The following COG3 variants were observed in gnomAD, a reference collection of about 807,000 sequenced individuals.
COG3 encodes component of oligomeric golgi complex 3.
A neutral mutation model predicts 114.1 loss-of-function variants in COG3; 32 were observed. The ratio of observed to expected loss-of-function variants is 0.28; its 90% CI spans 0.21 to 0.38. The LOEUF (loss-of-function observed/expected upper bound fraction) is 0.38. COG3 is among the 10% of genes least tolerant of loss of function. The probability of loss-of-function intolerance (pLI) is 1.00; values close to 1 mark genes in which losing one functional copy is unlikely to be tolerated. For synonymous variants in COG3, 352 were observed against 365.7 expected (o/e 0.96, Z 0.43); for missense variants, 813 against 973.2 (o/e 0.84, Z 2.19).
chr13:45,489,262 C>A lies in COG3; in HGVS notation c.925-1653C>A, dbSNP rs1470828848. ...TTTTTGACAAAGTGAGACCCAGCCT[C>A]AAAAAAAAAAAAAAAAAAGCCAACC... is the stretch of plus-strand genomic sequence containing the variant. On this transcript the variant is annotated intron_variant, in intron 8 of 22. Coordinates refer to ENST00000349995, the MANE Select transcript of COG3 (RefSeq NM_031431.4). Among the ~76,000 whole-genome samples the A allele has an allele frequency of 2.2e-3, 97 of 43,592 alleles. 2 individuals carry two copies. The highest frequency in any genetic ancestry group is 5.5e-3 in the East Asian group (6 of 1,098). The allele number at this position is 43,592 out of a possible 152,430, so 28.6% of individuals were successfully genotyped here.
At chr13:45,486,601 A>G (rs766153444) in intron 8 of COG3, 26 bp downstream of exon 8, 6 of 1,385,940 alleles carry the variant, frequency 4.3e-6, no homozygotes, top group Middle Eastern at 1.8e-4. Context: ...TAACTAGGAC[A>G]TTGCTATGAA....
intron 13 of COG3, among the ~76,000 whole-genome samples, chr13:45,499,227 GCTC>G (rs1869194103): frequency 6.6e-6 from 1 of 151,854 alleles, no homozygotes; most frequent in Non-Finnish European, 1.5e-5. Context: ...AGAAACCCTG[GCTC>G]CTAGCACCTC....
intron 7 of COG3, among the ~76,000 whole-genome samples, chr13:45,484,179 G>A (rs1411688841): frequency 1.3e-5 from 2 of 152,124 alleles, no homozygotes; most frequent in Admixed American, 1.3e-4. Context: ...GTGATGTTTG[G>A]CTTGCATTTT....
chr13:45,483,590 T>G (rs531889774), intron 7 of COG3, among the ~76,000 whole-genome samples: 1 of 152,344 alleles, frequency 6.6e-6, no homozygotes, highest in African/African-American at 2.4e-5. Flanking sequence ...TATTCAGTAC[T>G]ATATGATGAA....
At chr13:45,530,644 C>A in intron 21 of COG3, 38 bp from the exon 22 acceptor site, 1 of 1,251,912 alleles carries the variant, frequency 8.0e-7, no homozygotes, top group Non-Finnish European at 1.2e-6. Flanking sequence ...GTGTTTAAGA[C>A]AACTCATTTG....
At chr13:45,497,784 T>TCAACAACAACAG (rs1555296487) in intron 13 of COG3, among the ~76,000 whole-genome samples, 12 of 147,138 alleles carry the variant, frequency 8.2e-5, no homozygotes, top group African/African-American at 3.1e-4. Context: ...AGACCCTGTC[T>TCAACAACAACAG]CAACAACAAC....
chr13:45,533,793 C>T (rs3014899), intron 22 of COG3, among the ~76,000 whole-genome samples: 131,383 of 152,224 alleles, frequency 0.86, 56,977 homozygotes, highest in African/African-American at 0.93. Context: ...AGTTATTCCG[C>T]AGACTGTCTC....
intron 17 of COG3, 124 bp from the exon 18 acceptor site, chr13:45,518,637 TG>T: frequency 1.5e-6 from 1 of 655,952 alleles, no homozygotes; most frequent in Non-Finnish European, 2.7e-6. Context: ...CAGCCTTTCA[TG>T]GAGGTGAGTT....
intron 22 of COG3, among the ~76,000 whole-genome samples, chr13:45,533,084 C>G (rs2137937358): frequency 6.6e-6 from 1 of 151,760 alleles, no homozygotes; most frequent in African/African-American, 2.4e-5. Context: ...GTGGCGGGAG[C>G]TCATGGATGT....
chr13:45,493,871 G>A (rs1207518411), intron 12 of COG3: 2 of 142,276 alleles, frequency 1.4e-5, no homozygotes, highest in African/African-American at 5.3e-5. Context: ...GAATTGTTTT[G>A]TGTATATTCA....
At chr13:45,502,993 T>A (rs560817482) in intron 13 of COG3, among the ~76,000 whole-genome samples, 1 of 152,330 alleles carries the variant, frequency 6.6e-6, no homozygotes, top group Admixed American at 6.5e-5. Context: ...TCCATGCTAA[T>A]TTTTAAAAAA....
chr13:45,495,998 A>G (rs1385173409), intron 12 of COG3, among the ~76,000 whole-genome samples, 154 bp from the exon 13 acceptor site: 1 of 152,218 alleles, frequency 6.6e-6, no homozygotes, highest in Non-Finnish European at 1.5e-5. Context: ...AACTTTTCCA[A>G]GCTCATTGAG....
chr13:45,494,500 A>T (rs545092455), intron 12 of COG3, among the ~76,000 whole-genome samples: 1 of 151,796 alleles, frequency 6.6e-6, no homozygotes, highest in East Asian at 1.9e-4. Context: ...ATTGCTTCTG[A>T]TTTTAAAATT....
At position 45,496,106 on chromosome 13, in the gene COG3, T is replaced by C. The variant is rs1868732993; in HGVS notation, c.1328-46T>C. On this transcript the variant is annotated intron_variant, in intron 12 of 22. Coordinates refer to ENST00000349995, the MANE Select transcript of COG3 (RefSeq NM_031431.4). ...ACATCTTTGCTTGTTTAAAAGAAAG[T>C]GTTTTTCTAAATCTAAAAGAATGGA... The C allele has an allele frequency of 1.9e-6, 3 of 1,552,912 alleles. No individual in the cohort carries two copies. The South Asian group carries it at 3.6e-5, about 18-fold the overall frequency.
intron 12 of COG3, among the ~76,000 whole-genome samples, chr13:45,494,907 G>T (rs867538397): frequency 7.1e-6 from 1 of 140,022 alleles, no homozygotes; most frequent in Non-Finnish European, 1.5e-5. Flanking sequence ...GTGCAGTGGC[G>T]CGATCTCGGC....
At chr13:45,514,059 C>G (rs1454549239) in intron 16 of COG3, among the ~76,000 whole-genome samples, 1 of 151,368 alleles carries the variant, frequency 6.6e-6, no homozygotes, top group Non-Finnish European at 1.5e-5. Flanking sequence ...TTATTTTCTA[C>G]AGTGATCCTG....
rs1566279214 is a variant in COG3, at chr13:45,536,360, T to C, written c.*1629T>C. Reference sequence around the variant, plus strand: ...TGATTTACAGAGCGGAGTGTGTTCTTATAAAAATATTTAATGACATTGGTT... The same window carrying C: ...TGATTTACAGAGCGGAGTGTGTTCTCATAAAAATATTTAATGACATTGGTT... On this transcript the variant is annotated 3_prime_UTR_variant, in exon 23 of 23. Transcript: ENST00000349995. 6.6e-6 allele frequency: 1 copy of C among 152,198 alleles called. No individual in the cohort carries two copies. The highest frequency in any genetic ancestry group is 1.5e-5 in the Non-Finnish European group (1 of 68,042). The allele number at this position is 152,198 out of a possible 1,614,324, so 9.4% of individuals were successfully genotyped here.
In COG3 at chr13:45,531,565, T is replaced by G. The variant is rs139977396; in HGVS notation, c.2457+785T>G. The stretch of plus-strand genomic sequence containing the variant: ...CTTTGTTGCCCAGGCTGGAGTTCAG[T>G]GGTGTGATCTCGGCTCACTGCAACC... On this transcript the variant is annotated intron_variant, in intron 22 of 22. Coordinates refer to ENST00000349995, the MANE Select transcript of COG3 (RefSeq NM_031431.4). 2.0e-4 allele frequency among the ~76,000 whole-genome samples: 30 copies of G among 151,972 alleles called. 1 individual carries two copies. In the South Asian group the frequency reaches 5.4e-3, roughly 28 times the overall value.
intron 1 of COG3, 75 bp downstream of exon 1, chr13:45,465,285 C>T (rs1885062656): frequency 6.5e-7 from 1 of 1,548,220 alleles, no homozygotes; most frequent in African/African-American, 1.4e-5. Context: ...AGGACCCCGG[C>T]CTCACTAGCC....
Sources: allele counts gnomAD v4.1 joint callset (sites outside exome capture counted in the v4.1 genomes callset), GRCh38; gene constraint gnomAD v4.1.1; transcripts MANE v1.5; gene names NCBI Gene and HGNC (gene_info 2026-07-23, HGNC 2026-07-21).